RCOR1: variants seen among roughly 807,000 people sequenced by gnomAD.
RCOR1 encodes the protein REST corepressor 1, also known as REST corepressor.
A neutral mutation model predicts 64.0 loss-of-function variants in RCOR1; 12 were observed. That is an observed-to-expected ratio of 0.19 (90% confidence interval 0.12 to 0.30). RCOR1 has a LOEUF of 0.30. Ranked by LOEUF, RCOR1 falls within the 10% of genes least tolerant of loss-of-function variation. The pLI, the probability that RCOR1 is intolerant of heterozygous loss-of-function variation, is 1.00. For missense variants in RCOR1, 502 were observed against 621.2 expected, an observed-to-expected ratio of 0.81 and a Z score of 2.04; for synonymous variants, 279 against 227.2, an observed-to-expected ratio of 1.23 and a Z score of -2.05.
rs1382553777 is a variant in RCOR1 at position 102,593,027 on chromosome 14, G to C, written c.141G>C (p.Ser47=). 3.2e-6 allele frequency: 4 copies of C among 1,258,276 alleles called. No homozygotes were observed. The highest frequency in any genetic ancestry group is 3.2e-5 in the African/African-American group (2 of 62,744). 77.9% of individuals were successfully genotyped at this position (1,258,276 alleles called of 1,614,324 possible). The change falls in exon 1 of 12, where the codon TCG becomes TCC. Residue 47 remains serine, a synonymous_variant. Transcript: ENST00000262241. ...CCTCGCCAGCCGCCACTGCCGCCTC[G>C]GGCGCCGCCGCCTCCTCAGCCTCGG... ...ACASPAATAA[S]GAAASSASAA... is the part of the protein sequence containing the mutation.
At chr14:102,640,036 C>G (rs1406826050) in intron 2 of RCOR1, among the ~76,000 whole-genome samples, 1 of 152,038 alleles carries the variant, frequency 6.6e-6, no homozygotes, top group Non-Finnish European at 1.5e-5. Flanking sequence ...GTAGAGATGG[C>G]GTTTCACCAT....
chr14:102,634,636 GTATA>G (rs761011160), intron 2 of RCOR1, among the ~76,000 whole-genome samples: 2 of 141,356 alleles, frequency 1.4e-5, no homozygotes, highest in African/African-American at 2.9e-5. Flanking sequence ...GTGTATGTGT[GTATA>G]TATATATATA....
chr14:102,632,608 GCTATC>G (rs1567415103), intron 2 of RCOR1, among the ~76,000 whole-genome samples: 1 of 140,224 alleles, frequency 7.1e-6, no homozygotes, highest in South Asian at 2.3e-4. Context: ...TTGACTGCAT[GCTATC>G]CTTTCCTTTC....
chr14:102,609,025 CTTTTT>C (rs1004210046), intron 2 of RCOR1, among the ~76,000 whole-genome samples: 2,726 of 107,002 alleles, frequency 0.025, 97 homozygotes, highest in African/African-American at 0.084. Flanking sequence ...CTGTGCTTCA[CTTTTT>C]TTTTTTTTTT....
At chr14:102,616,095 A>G (rs936582570) in intron 2 of RCOR1, among the ~76,000 whole-genome samples, 3 of 152,184 alleles carry the variant, frequency 2.0e-5, no homozygotes, top group Non-Finnish European at 2.9e-5. Flanking sequence ...GCCAGCTGCA[A>G]ATTTCAAGAG....
chr14:102,691,046 A>G (rs1228389506), intron 3 of RCOR1, among the ~76,000 whole-genome samples: 1 of 152,174 alleles, frequency 6.6e-6, no homozygotes, highest in African/African-American at 2.4e-5. Flanking sequence ...TGTGGCTATC[A>G]TTTGTTTACT....
At chr14:102,719,187 A>G (rs1184260073) in intron 8 of RCOR1, among the ~76,000 whole-genome samples, 3 of 152,050 alleles carry the variant, frequency 2.0e-5, no homozygotes, top group Non-Finnish European at 4.4e-5. Flanking sequence ...GACTCAAGCT[A>G]TCCTCCCACC....
chr14:102,657,628 A>T (rs1894752339), intron 2 of RCOR1: 2 of 660,328 alleles, frequency 3.0e-6, no homozygotes, highest in Admixed American at 6.3e-5. Flanking sequence ...ACTTGAGGTC[A>T]GGAGTTCGAG....
intron 8 of RCOR1, among the ~76,000 whole-genome samples, chr14:102,715,439 C>CG (rs1010703317): frequency 2.1e-5 from 3 of 145,546 alleles, no homozygotes; most frequent in African/African-American, 7.6e-5. Flanking sequence ...TGGAGTGCAG[C>CG]GGTGCGATCT....
chr14:102,718,676 A>T (rs968601872), intron 8 of RCOR1, among the ~76,000 whole-genome samples: 1 of 152,006 alleles, frequency 6.6e-6, no homozygotes, highest in Non-Finnish European at 1.5e-5. Flanking sequence ...TTACCTTTGC[A>T]TCCTATTTCT....
intron 3 of RCOR1, among the ~76,000 whole-genome samples, chr14:102,689,534 A>G (rs967316436): frequency 1.2e-4 from 18 of 152,206 alleles, no homozygotes; most frequent in African/African-American, 2.7e-4. Context: ...ACTTTTGGCT[A>G]TTGGATATCC....
intron 2 of RCOR1, among the ~76,000 whole-genome samples, chr14:102,638,710 C>T (rs985177241): frequency 1.3e-5 from 2 of 152,008 alleles, no homozygotes. Context: ...CTATGTTGTC[C>T]AGGCTGGAGT....
At chr14:102,693,113 A>G (rs1401499649) in intron 3 of RCOR1, among the ~76,000 whole-genome samples, 1 of 152,070 alleles carries the variant, frequency 6.6e-6, no homozygotes, top group African/African-American at 2.4e-5. Flanking sequence ...TTCCTCCTAT[A>G]AATAACACAA....
At chr14:102,685,195 A>G (rs1458634550) in intron 3 of RCOR1, among the ~76,000 whole-genome samples, 1 of 152,168 alleles carries the variant, frequency 6.6e-6, no homozygotes, top group East Asian at 1.9e-4. Context: ...AGAAAATTCA[A>G]ATAGTACATA....
chr14:102,720,514 C>T (rs927802598), intron 8 of RCOR1, among the ~76,000 whole-genome samples: 1 of 152,200 alleles, frequency 6.6e-6, no homozygotes, highest in South Asian at 2.1e-4. Context: ...TTAAAGAAAT[C>T]TATGCTTGTG....
chr14:102,714,960 C>T (rs181773211), intron 8 of RCOR1, among the ~76,000 whole-genome samples: 1 of 152,250 alleles, frequency 6.6e-6, no homozygotes, highest in African/African-American at 2.4e-5. Flanking sequence ...ATGTTGCCCC[C>T]AGGCCCATGC....
At chr14:102,682,586 A>T (rs1462305425) in intron 3 of RCOR1, among the ~76,000 whole-genome samples, 4 of 152,172 alleles carry the variant, frequency 2.6e-5, no homozygotes, top group Non-Finnish European at 4.4e-5. Context: ...TTACTGTCTG[A>T]GTCCAAGCTA....
At chr14:102,659,958 G>A (rs995532745) in intron 2 of RCOR1, among the ~76,000 whole-genome samples, 7 of 152,166 alleles carry the variant, frequency 4.6e-5, no homozygotes, top group Admixed American at 2.6e-4. Flanking sequence ...ACTGACTTTC[G>A]TAATAAGATA....
intron 4 of RCOR1, among the ~76,000 whole-genome samples, chr14:102,704,730 C>T (rs988091646): frequency 1.3e-5 from 2 of 152,208 alleles, no homozygotes; most frequent in African/African-American, 4.8e-5. Flanking sequence ...GCGCCCAGCC[C>T]CCTTCTAGGA....
Sources: gnomAD v4.1 joint callset for allele counts (sites outside exome capture counted in the v4.1 genomes callset) on GRCh38, gnomAD v4.1.1 for gene constraint, MANE v1.5 for transcripts, NCBI Gene and HGNC (gene_info 2026-07-23, HGNC 2026-07-21) for gene names.